CD109: variants seen among roughly 807,000 people sequenced by gnomAD.
The protein encoded by CD109 is CD109 antigen.
CD109 carries 149 observed loss-of-function variants against 165.8 expected under a neutral mutation model. That is an observed-to-expected ratio of 0.90 (90% confidence interval 0.79 to 1.03). The LOEUF (loss-of-function observed/expected upper bound fraction) is 1.03. Ranked by LOEUF, CD109 falls within the 50% of genes least tolerant of loss-of-function variation. The pLI is 0.00. For missense variants in CD109, 1,712 were observed against 1,677.8 expected, an observed-to-expected ratio of 1.02 and a Z score of -0.36; for synonymous variants, 585 against 592.1, an observed-to-expected ratio of 0.99 and a Z score of 0.18.
chr6:73,716,534 T>C (rs560449568), intron 2 of CD109, among the ~76,000 whole-genome samples: 22 of 152,314 alleles, frequency 1.4e-4, no homozygotes, highest in African/African-American at 5.1e-4. Flanking sequence ...TGATCAATGG[T>C]GTTGAGAGGG....
chr6:73,705,729 A>G (rs1771244164), intron 2 of CD109, among the ~76,000 whole-genome samples: 1 of 152,254 alleles, frequency 6.6e-6, no homozygotes, highest in South Asian at 2.1e-4. Flanking sequence ...AGAAGTTCCA[A>G]GAAGGAAGGT....
rs774665252 is a variant in CD109, at chr6:73,771,496, C to T, written c.1742C>T (p.Thr581Ile). The T allele has an allele frequency of 5.0e-6, 8 of 1,611,002 alleles. No homozygotes were observed. In the Admixed American group the frequency reaches 1.2e-4, roughly 24 times the overall value. The change falls in exon 15 of 33, where the codon ACA becomes ATA. Residue 581 changes from threonine to isoleucine, a missense_variant. Thr to Ile is a moderately conservative substitution (Grantham distance 89). Coordinates refer to ENST00000287097, the MANE Select transcript of CD109 (RefSeq NM_133493.5). ...SEKVSLRISV[T>I]QPDSIVGIVA... ...AAAGTCTCTCTTAGGATCTCTGTGA[C>T]ACAGCCTGACTCCATAGTTGGGATT...
In CD109 at chr6:73,778,996, G is replaced by A. The variant is rs186796879; in HGVS notation, c.1828-1428G>A. 3.3e-5 allele frequency among the ~76,000 whole-genome samples: 5 copies of A among 152,192 alleles called. No homozygotes were observed. In the East Asian group the frequency reaches 7.7e-4, roughly 24 times the overall value. ...TCAGTGACATTAATTACTTCACAAT[G>A]TTATATGACCATCACCAATATTTCC... On this transcript the variant is annotated intron_variant, in intron 15 of 32. Coordinates refer to ENST00000287097, the MANE Select transcript of CD109 (RefSeq NM_133493.5).
At chr6:73,810,462 C>T (rs1379072092) in intron 27 of CD109, among the ~76,000 whole-genome samples, 1 of 151,674 alleles carries the variant, frequency 6.6e-6, no homozygotes, top group Non-Finnish European at 1.5e-5. Context: ...ATCAGTTCCC[C>T]ATCTGCCACT....
the CD109 span, among the ~76,000 whole-genome samples, chr6:73,681,451 T>G: frequency 6.6e-6 from 1 of 151,992 alleles, no homozygotes; most frequent in Non-Finnish European, 1.5e-5. Context: ...ACGCTGCTGA[T>G]AAAGACACAC....
At chr6:73,768,893 T>C (rs1441067563) in intron 14 of CD109, among the ~76,000 whole-genome samples, 1 of 152,244 alleles carries the variant, frequency 6.6e-6, no homozygotes, top group South Asian at 2.1e-4. Context: ...CATCCTCTTA[T>C]GTAAAAAATT....
At chr6:73,729,446 C>G (rs906207476) in intron 3 of CD109, among the ~76,000 whole-genome samples, 2 of 151,096 alleles carry the variant, frequency 1.3e-5, no homozygotes, top group Non-Finnish European at 2.9e-5. Context: ...GTAAACTGCT[C>G]AGTATGGCTC....
intron 2 of CD109, among the ~76,000 whole-genome samples, chr6:73,700,774 T>C (rs1430906436): frequency 6.7e-6 from 1 of 149,226 alleles, no homozygotes. Context: ...TCTACATTTA[T>C]TGGGGATTGA....
At chr6:73,689,465 A>G in the CD109 span, among the ~76,000 whole-genome samples, 1 of 152,214 alleles carries the variant, frequency 6.6e-6, no homozygotes, top group Non-Finnish European at 1.5e-5. Flanking sequence ...CTTGGTCAGC[A>G]TGGGAGAAGC....
chr6:73,714,880 G>A (rs188249346), intron 2 of CD109, among the ~76,000 whole-genome samples: 9 of 152,340 alleles, frequency 5.9e-5, no homozygotes, highest in Admixed American at 3.9e-4. Context: ...CATGATTGAG[G>A]AAGTGGTGAT....
chr6:73,798,565 T>C (rs1471786085), intron 23 of CD109, among the ~76,000 whole-genome samples: 1 of 152,062 alleles, frequency 6.6e-6, no homozygotes, highest in Non-Finnish European at 1.5e-5. Flanking sequence ...TCTCTCCAGG[T>C]TGTGAATTTC....
intron 2 of CD109, among the ~76,000 whole-genome samples, chr6:73,704,062 A>G (rs1771174141): frequency 6.6e-6 from 1 of 151,756 alleles, no homozygotes; most frequent in Non-Finnish European, 1.5e-5. Context: ...GTGGGCGCCT[A>G]TAGTCCCAGT....
chr6:73,766,629 G>A, intron 11 of CD109, 130 bp from the exon 12 acceptor site: 1 of 639,162 alleles, frequency 1.6e-6, no homozygotes, highest in East Asian at 2.7e-5. Flanking sequence ...AATGTCTGGT[G>A]AATGTATTTT....
intron 15 of CD109, among the ~76,000 whole-genome samples, chr6:73,778,442 G>A (rs6918540): frequency 0.61 from 93,099 of 152,022 alleles, 29,695 homozygotes; most frequent in East Asian, 0.89. Flanking sequence ...CTAGTACTAT[G>A]TTGAATAGGA....
intron 2 of CD109, among the ~76,000 whole-genome samples, chr6:73,710,110 A>C (rs1771466184): frequency 6.6e-6 from 1 of 152,194 alleles, no homozygotes; most frequent in African/African-American, 2.4e-5. Flanking sequence ...GGCAGGAGAA[A>C]GAAATAAAAG....
chr6:73,758,888 C>A, intron 6 of CD109, 56 bp from the exon 7 acceptor site: 1 of 877,458 alleles, frequency 1.1e-6, no homozygotes, highest in South Asian at 1.4e-5. Flanking sequence ...AAAGATTTAC[C>A]CTTGCTTCTT....
chr6:73,689,376 A>C, the CD109 span, among the ~76,000 whole-genome samples: 1 of 152,166 alleles, frequency 6.6e-6, no homozygotes, highest in African/African-American at 2.4e-5. Context: ...TGCTATTTCC[A>C]GGTAGTTTGT....
intron 22 of CD109, among the ~76,000 whole-genome samples, chr6:73,791,100 G>T (rs1774912229): frequency 7.1e-6 from 1 of 140,502 alleles, no homozygotes; most frequent in Admixed American, 7.4e-5. Flanking sequence ...TCCATAGGCA[G>T]AGGACTTTAT....
At chr6:73,777,752 A>G (rs978563609) in intron 15 of CD109, among the ~76,000 whole-genome samples, 4 of 152,020 alleles carry the variant, frequency 2.6e-5, no homozygotes, top group African/African-American at 9.7e-5. Flanking sequence ...TGGGTTCTCT[A>G]TTCTGTTCCA....
Sources: gnomAD v4.1 joint callset for allele counts (sites outside exome capture counted in the v4.1 genomes callset) on GRCh38, gnomAD v4.1.1 for gene constraint, MANE v1.5 for transcripts, NCBI Gene and HGNC (gene_info 2026-07-23, HGNC 2026-07-21) for gene names.